UTP18: variants seen among roughly 807,000 people sequenced by gnomAD.
The protein encoded by UTP18 is UTP18 small subunit processome component, also known as U3 small nucleolar RNA-associated protein 18 homolog.
UTP18 carries 36 observed loss-of-function variants against 61.1 expected under a neutral mutation model. The ratio of observed to expected loss-of-function variants is 0.59; its 90% confidence interval spans 0.45 to 0.78. The LOEUF (loss-of-function observed/expected upper bound fraction) is 0.78, where lower values mean the gene tolerates loss of function less well. Ranked by LOEUF, UTP18 falls within the 30% of genes least tolerant of loss-of-function variation. The pLI is 0.00. For synonymous variants in UTP18, 282 were observed against 251.1 expected (o/e 1.12, Z -1.16); for missense variants, 753 against 693.9 (o/e 1.09, Z -0.96).
At chr17:51,268,619 T>G (rs987908713) in intron 3 of UTP18, among the ~76,000 whole-genome samples, 4 of 152,318 alleles carry the variant, frequency 2.6e-5, no homozygotes, top group African/African-American at 9.6e-5. Flanking sequence ...AGGACTAGTT[T>G]AAGTGGGCAG....
At chr17:51,297,422 G>A (rs1376785575) in intron 13 of UTP18, among the ~76,000 whole-genome samples, 1 of 152,124 alleles carries the variant, frequency 6.6e-6, no homozygotes, top group African/African-American at 2.4e-5. Context: ...CTAGATAATG[G>A]GGCTGGCCAT....
chr17:51,285,337 A>G lies in UTP18; in HGVS notation c.1297A>G (p.Thr433Ala). ...CAGTTTATATGGATTAAGCATTGCC[A>G]CATCTAGGAATGGACAGTATGTTGC... ...EGSLYGLSIATSRNGQYVACG... is the reference protein window; with the variant it reads ...EGSLYGLSIAASRNGQYVACG... The change falls in exon 10 of 14, where the codon ACA becomes GCA. Residue 433 changes from threonine to alanine, a missense_variant. By Grantham distance (58) the Thr-to-Ala change is moderately conservative (BLOSUM62 0). Coordinates refer to ENST00000225298, the MANE Select transcript of UTP18 (RefSeq NM_016001.3). 6.2e-7 allele frequency: 1 copy of G among 1,613,990 alleles called. No homozygotes were observed.
At chr17:51,279,617 A>G (rs1472969604) in intron 7 of UTP18, among the ~76,000 whole-genome samples, 2 of 152,068 alleles carry the variant, frequency 1.3e-5, no homozygotes, top group Non-Finnish European at 2.9e-5. Flanking sequence ...GGCTGTCTCT[A>G]GTGGCAGTGT....
chr17:51,293,589 C>T (rs930397163), intron 11 of UTP18, among the ~76,000 whole-genome samples: 1 of 151,590 alleles, frequency 6.6e-6, no homozygotes, highest in African/African-American at 2.4e-5. Context: ...CGTTGTGGCC[C>T]AGGGAAGCCA....
At chr17:51,273,586 A>C in intron 5 of UTP18, 136 bp downstream of exon 5, 1 of 564,170 alleles carries the variant, frequency 1.8e-6, no homozygotes, top group Non-Finnish European at 2.9e-6. Context: ...CCTGGTAAAT[A>C]CTTATGTTAT....
At position 51,260,824 on chromosome 17, in the gene UTP18, G is replaced by T. The variant is rs1331649529; in HGVS notation, c.240G>T (p.Leu80=). 6.3e-7 allele frequency: 1 copy of T among 1,595,738 alleles called. No individual in the cohort carries two copies. The highest frequency in any genetic ancestry group is 1.1e-5 in the South Asian group (1 of 88,622). Reference sequence around the variant, plus strand: ...TCCGGCAGCGGAACCGCCTGAGGCTGGAGGAGGACAAACCGGCCGTGGAGC... The same window carrying T: ...TCCGGCAGCGGAACCGCCTGAGGCTTGAGGAGGACAAACCGGCCGTGGAGC... ...RRLRQRNRLR[L]EEDKPAVERC... is the part of the protein sequence containing the mutation. The change falls in exon 1 of 14, where the codon CTG becomes CTT. Residue 80 remains leucine (L), a synonymous_variant. Transcript: ENST00000225298.
chr17:51,268,393 G>C (rs11079952), intron 3 of UTP18, among the ~76,000 whole-genome samples: 59,256 of 152,092 alleles, frequency 0.39, 13,103 homozygotes, highest in East Asian at 0.6. Context: ...AGAGTGAAGT[G>C]ATTCTGTTTT....
intron 5 of UTP18, 47 bp from the exon 6 acceptor site, chr17:51,275,819 T>G: frequency 6.6e-7 from 1 of 1,515,024 alleles, no homozygotes; most frequent in South Asian, 1.3e-5. Context: ...AAGAAAATAA[T>G]GTTTATTCAT....
intron 7 of UTP18, among the ~76,000 whole-genome samples, chr17:51,277,658 CTCTGATCT>C (rs1172729343): frequency 1.3e-5 from 2 of 152,144 alleles, no homozygotes; most frequent in African/African-American, 4.8e-5. Flanking sequence ...TGTTTCACCT[CTCTGATCT>C]TCAGGAAACT....
chr17:51,277,248 T>G lies in UTP18; in HGVS notation c.956T>G (p.Val319Gly). ...TTAGCCACGAGTACCCACAGCAAGG[T>G]TCTTTATGTCTATGACATGCTGGCT... ...EVLATSTHSKVLYVYDMLAGK... is the reference protein window; with the variant it reads ...EVLATSTHSKGLYVYDMLAGK... Residue 319 changes from valine (V) to glycine (G), a missense_variant, in exon 7 of 14, where the codon GTT becomes GGT. By Grantham distance (109) the Val-to-Gly change is moderately radical. Coordinates refer to ENST00000225298, the MANE Select transcript of UTP18 (RefSeq NM_016001.3). 6.2e-7 allele frequency: 1 copy of G among 1,614,130 alleles called. No homozygotes were observed. Among genetic ancestry groups the G allele is most frequent in the Non-Finnish European group, 8.5e-7 (1 of 1,180,024 alleles).
At chr17:51,277,347 A>G (rs1049627475) in intron 7 of UTP18, 43 bp downstream of exon 7, 2 of 1,602,776 alleles carry the variant, frequency 1.2e-6, no homozygotes, top group African/African-American at 2.7e-5. Flanking sequence ...ATTCCCCCCA[A>G]GGTGAGTTTA....
At chr17:51,294,424 C>T (rs947275343) in intron 12 of UTP18, among the ~76,000 whole-genome samples, 2 of 148,738 alleles carry the variant, frequency 1.3e-5, no homozygotes, top group African/African-American at 2.5e-5. Context: ...TGTTCAATTC[C>T]CACCTCTGAG....
At chr17:51,283,050 G>T (rs1425634496) in intron 9 of UTP18, among the ~76,000 whole-genome samples, 1 of 150,648 alleles carries the variant, frequency 6.6e-6, no homozygotes, top group Non-Finnish European at 1.5e-5. Context: ...TTGTATTTTA[G>T]TAGAGACGGG....
chr17:51,285,737 T>G (rs1210653778), intron 10 of UTP18, among the ~76,000 whole-genome samples: 9 of 152,260 alleles, frequency 5.9e-5, no homozygotes, highest in Non-Finnish European at 1.3e-4. Flanking sequence ...TTACTATGCC[T>G]AATTTATAAA....
At chr17:51,266,139 A>G (rs2055558423) in intron 2 of UTP18, 43 bp from the exon 3 acceptor site, 2 of 1,444,492 alleles carry the variant, frequency 1.4e-6, no homozygotes, top group South Asian at 1.4e-5. Flanking sequence ...ATTTATATTA[A>G]CTCTTTAAAA....
chr17:51,288,219 C>A lies in UTP18; in HGVS notation c.1503+16C>A, dbSNP rs533446992. On this transcript the variant is annotated intron_variant, in intron 11 of 13. Transcript: ENST00000225298. ...AGTCAGATTGGTAAATATTTCATTA[C>A]CCCTTTATTATTGTTATTTTTTAAA... The A allele has an allele frequency of 3.3e-5, 52 of 1,558,610 alleles. No individual in the cohort carries two copies. The highest frequency in any genetic ancestry group is 6.5e-5 in the Admixed American group (3 of 46,462).
intron 9 of UTP18, among the ~76,000 whole-genome samples, chr17:51,284,427 G>T (rs1272160162): frequency 6.6e-6 from 1 of 151,848 alleles, no homozygotes; most frequent in Admixed American, 6.6e-5. Context: ...TAGATAAATT[G>T]TGTGTGTCTT....
At chr17:51,269,067 G>A (rs958800929) in intron 4 of UTP18, among the ~76,000 whole-genome samples, 163 bp downstream of exon 4, 1 of 151,878 alleles carries the variant, frequency 6.6e-6, no homozygotes, top group Non-Finnish European at 1.5e-5. Flanking sequence ...CGGGTGGATC[G>A]CTTGAGTCCA....
intron 9 of UTP18, among the ~76,000 whole-genome samples, chr17:51,281,339 T>G (rs886099911): frequency 2.0e-5 from 3 of 152,008 alleles, no homozygotes; most frequent in African/African-American, 7.2e-5. Context: ...AGATAATGCT[T>G]ATTTAAAAGA....
Sources: allele counts gnomAD v4.1 joint callset (sites outside exome capture counted in the v4.1 genomes callset), GRCh38; gene constraint gnomAD v4.1.1; transcripts MANE v1.5; gene names NCBI Gene and HGNC (gene_info 2026-07-23, HGNC 2026-07-21).